The following HS6ST3 variants were observed in gnomAD, a reference collection of about 807,000 sequenced individuals.
HS6ST3 encodes the protein heparan-sulfate 6-O-sulfotransferase 3.
HS6ST3 carries 12 observed loss-of-function variants against 36.7 expected under a neutral mutation model. The observed-to-expected ratio is 0.33, with a 90% CI of 0.21 to 0.53. HS6ST3 has a LOEUF of 0.53. Among genes scored for constraint, HS6ST3 ranks in the 20% least tolerant of loss-of-function variants. The pLI is 0.95. For synonymous variants in HS6ST3, 240 were observed against 257.5 expected, an observed-to-expected ratio of 0.93 and a Z score of 0.65; for missense variants, 584 against 640.9, an observed-to-expected ratio of 0.91 and a Z score of 0.96.
At chr13:96,202,486 CCCA>C (rs1283009244) in intron 1 of HS6ST3, among the ~76,000 whole-genome samples, 1 of 152,192 alleles carries the variant, frequency 6.6e-6, no homozygotes, top group African/African-American at 2.4e-5. Context: ...TCTCTTCCAT[CCCA>C]CCATGCCGTG....
At chr13:96,145,827 T>C (rs2054055352) in intron 1 of HS6ST3, among the ~76,000 whole-genome samples, 1 of 152,226 alleles carries the variant, frequency 6.6e-6, no homozygotes, top group Non-Finnish European at 1.5e-5. Flanking sequence ...AATTAATTTA[T>C]GTATAAGGTG....
intron 1 of HS6ST3, among the ~76,000 whole-genome samples, chr13:96,555,799 A>C (rs2056238150): frequency 6.6e-6 from 1 of 150,642 alleles, no homozygotes; most frequent in Non-Finnish European, 1.5e-5. Context: ...CTCTTTAAAC[A>C]GATGGTTCTT....
At chr13:96,653,651 C>A (rs545842118) in intron 1 of HS6ST3, among the ~76,000 whole-genome samples, 6 of 152,104 alleles carry the variant, frequency 3.9e-5, no homozygotes, top group African/African-American at 1.4e-4. Context: ...TTATTGTAAA[C>A]AGTGCTGCAA....
intron 1 of HS6ST3, among the ~76,000 whole-genome samples, chr13:96,581,722 G>A (rs148595569): frequency 6.6e-6 from 1 of 152,260 alleles, no homozygotes; most frequent in African/African-American, 2.4e-5. Context: ...ATTTTAGAAA[G>A]TAAGTCAAAA....
chr13:96,659,485 T>C (rs1209113487), intron 1 of HS6ST3, among the ~76,000 whole-genome samples: 1 of 152,128 alleles, frequency 6.6e-6, no homozygotes, highest in Non-Finnish European at 1.5e-5. Context: ...CTTCATGGTA[T>C]ATTTTAATAA....
At chr13:96,239,313 A>G (rs958563587) in intron 1 of HS6ST3, among the ~76,000 whole-genome samples, 1 of 152,244 alleles carries the variant, frequency 6.6e-6, no homozygotes, top group African/African-American at 2.4e-5. Flanking sequence ...TTGATTATCT[A>G]AGAATTCCCT....
At chr13:96,819,358 T>C (rs1417439149) in intron 1 of HS6ST3, among the ~76,000 whole-genome samples, 2 of 152,208 alleles carry the variant, frequency 1.3e-5, no homozygotes, top group African/African-American at 4.8e-5. Context: ...TATTTAAGAA[T>C]GATTCTTCCA....
chr13:96,714,946 A>G (rs773061279), intron 1 of HS6ST3, among the ~76,000 whole-genome samples: 4 of 152,030 alleles, frequency 2.6e-5, no homozygotes, highest in Non-Finnish European at 4.4e-5. Context: ...GTCTCAAGCA[A>G]TCTTCCCATT....
intron 1 of HS6ST3, among the ~76,000 whole-genome samples, chr13:96,135,671 A>G (rs2053998119): frequency 6.6e-6 from 1 of 152,160 alleles, no homozygotes; most frequent in South Asian, 2.1e-4. Flanking sequence ...TTCAGAGCGG[A>G]CCAAGATGGG....
chr13:96,600,007 A>C (rs571236120), intron 1 of HS6ST3, among the ~76,000 whole-genome samples: 2 of 152,052 alleles, frequency 1.3e-5, no homozygotes, highest in Non-Finnish European at 2.9e-5. Context: ...ACTTGATATA[A>C]TTTTGATTTT....
rs368000593 is a variant in HS6ST3, at chr13:96,108,598, G to A, written c.707+17029G>A. On this transcript the variant is annotated intron_variant, in intron 1 of 1. Transcript: ENST00000376705. Reference sequence around the variant, plus strand: ...CCTGCCAACATGTGATGTCTTCCCCGGACACCCAGCTTTAAAATTTCTCTC... The same window carrying A: ...CCTGCCAACATGTGATGTCTTCCCCAGACACCCAGCTTTAAAATTTCTCTC... 1.9e-3 allele frequency among the ~76,000 whole-genome samples: 290 copies of A among 151,920 alleles called. 1 individual carries two copies. Among genetic ancestry groups the A allele is most frequent in the African/African-American group, 6.7e-3 (277 of 41,418 alleles).
chr13:96,507,677 A>G (rs1192820814), intron 1 of HS6ST3, among the ~76,000 whole-genome samples: 1 of 152,010 alleles, frequency 6.6e-6, no homozygotes, highest in Non-Finnish European at 1.5e-5. Context: ...TAATAACATT[A>G]TTATCTCTCT....
rs565080729 is a variant in HS6ST3, at chr13:96,101,928, G to A, written c.707+10359G>A. On this transcript the variant is annotated intron_variant, in intron 1 of 1. Transcript: ENST00000376705. ...AGTCATCAATGGCCTGTAAACAAAA[G>A]GATCATTTTCAGGTCTTTGTCTCTG... Among the ~76,000 whole-genome samples, 51 of 152,212 alleles carry A rather than the reference G, an allele frequency of 3.4e-4. No individual in the cohort carries two copies. In the South Asian group the frequency reaches 0.01, roughly 30 times the overall value.
intron 1 of HS6ST3, among the ~76,000 whole-genome samples, chr13:96,671,425 C>A (rs1204124178): frequency 6.6e-6 from 1 of 152,102 alleles, no homozygotes; most frequent in East Asian, 1.9e-4. Context: ...GGATCCATGT[C>A]CAGGATTGAC....
At chr13:96,715,256 G>A in intron 1 of HS6ST3, among the ~76,000 whole-genome samples, 1 of 151,970 alleles carries the variant, frequency 6.6e-6, no homozygotes, top group African/African-American at 2.4e-5. Context: ...ATGGATTTAT[G>A]CCTATGAAGA....
chr13:96,563,532 T>C (rs1319641198), intron 1 of HS6ST3, among the ~76,000 whole-genome samples: 1 of 152,172 alleles, frequency 6.6e-6, no homozygotes, highest in African/African-American at 2.4e-5. Context: ...TGAAAAAGTC[T>C]TGCAGCAGTG....
intron 1 of HS6ST3, among the ~76,000 whole-genome samples, chr13:96,510,836 G>T (rs967759794): frequency 6.6e-6 from 1 of 151,990 alleles, no homozygotes; most frequent in Non-Finnish European, 1.5e-5. Context: ...ATGAGTTTTT[G>T]CTTTCTTGTA....
chr13:96,819,085 G>A (rs902977260), intron 1 of HS6ST3, among the ~76,000 whole-genome samples: 1 of 152,222 alleles, frequency 6.6e-6, no homozygotes, highest in Admixed American at 6.5e-5. Context: ...AAACTAGTAA[G>A]TAAAATGAAT....
chr13:96,194,259 G>C (rs1243196607), intron 1 of HS6ST3, among the ~76,000 whole-genome samples: 1 of 152,094 alleles, frequency 6.6e-6, no homozygotes, highest in East Asian at 1.9e-4. Flanking sequence ...GCCTAAACCT[G>C]ATTGCCAGGA....
Sources: allele counts gnomAD v4.1 joint callset (sites outside exome capture counted in the v4.1 genomes callset), GRCh38; gene constraint gnomAD v4.1.1; transcripts MANE v1.5; gene names NCBI Gene and HGNC (gene_info 2026-07-23, HGNC 2026-07-21).